ABRAXAS1: variants seen among roughly 807,000 people sequenced by gnomAD.
ABRAXAS1 encodes abraxas 1, BRCA1 A complex subunit.
Under a neutral mutation model 38.4 loss-of-function variants are expected in ABRAXAS1, and 26 were observed. That is an observed-to-expected ratio of 0.68 (90% confidence interval 0.50 to 0.94). The LOEUF is 0.94. ABRAXAS1 is among the 40% of genes least tolerant of loss of function. ABRAXAS1 has a pLI of 0.00. For missense variants in ABRAXAS1, 438 were observed against 481.9 expected, an observed-to-expected ratio of 0.91 and a Z score of 0.85; for synonymous variants, 144 against 165.5, an observed-to-expected ratio of 0.87 and a Z score of 1.00.
At chr4:83,482,485 G>T (rs1005045164) in intron 1 of ABRAXAS1, among the ~76,000 whole-genome samples, 3 of 152,208 alleles carry the variant, frequency 2.0e-5, no homozygotes, top group African/African-American at 7.2e-5. Flanking sequence ...AAGGTGGGCA[G>T]ATAGTTTGAA....
At chr4:83,475,481 C>T (rs2110043843) in intron 3 of ABRAXAS1, among the ~76,000 whole-genome samples, 1 of 152,254 alleles carries the variant, frequency 6.6e-6, no homozygotes, top group East Asian at 1.9e-4. Flanking sequence ...GGGTCTTGCT[C>T]TGTCACCCAG....
rs201627097 is a variant in ABRAXAS1 at position 83,462,617 on chromosome 4, C to G, written c.1082G>C (p.Arg361Pro). The change falls in exon 9 of 9, where the codon CGG (arginine) becomes CCG (proline). Residue 361 changes from arginine (R) to proline (P), a missense_variant. By Grantham distance (103) the Arg-to-Pro change is moderately radical. Coordinates refer to ENST00000321945, the MANE Select transcript of ABRAXAS1 (RefSeq NM_139076.3). ...TCGTTTGTCTTGTGTATCTAACAACCGAGATCTCTTGAATTGCCATCTGTC... is the reference window on the plus strand; with the variant it reads ...TCGTTTGTCTTGTGTATCTAACAACGGAGATCTCTTGAATTGCCATCTGTC... ...LDDRWQFKRSRLLDTQDKRSK... is the reference protein window; with the variant it reads ...LDDRWQFKRSPLLDTQDKRSK... The G allele has an allele frequency of 6.2e-7, 1 of 1,614,076 alleles. No individual in the cohort carries two copies. Among genetic ancestry groups the G allele is most frequent in the East Asian group, 2.2e-5 (1 of 44,860 alleles).
intron 7 of ABRAXAS1, chr4:83,466,831 C>G (rs946199782): frequency 3.3e-5 from 5 of 152,736 alleles, no homozygotes; most frequent in African/African-American, 4.8e-5. Context: ...GCCACTGCGC[C>G]TGGCTCCACT....
At position 83,461,606 on chromosome 4, in the gene ABRAXAS1, T is replaced by C; in HGVS notation, c.*863A>G. The C allele has an allele frequency of 3.4e-6, 1 of 297,942 alleles. No individual in the cohort carries two copies. Among genetic ancestry groups the C allele is most frequent in the East Asian group, 4.8e-5 (1 of 20,662 alleles). The allele number at this position is 297,942 out of a possible 1,614,324, so 18.5% of individuals were successfully genotyped here. A position where few individuals can be genotyped will look rare whatever the true frequency, so the allele number is the denominator to read the frequency against. ...GAAGGACAAAATATTCCTAGACGAG[T>C]CTACCCTCAAACCAGTAGTGTCTTT... On this transcript the variant is annotated 3_prime_UTR_variant, in exon 9 of 9. Transcript: ENST00000321945.
Position 83,462,555 on chromosome 4 carries a change from C to CT in ABRAXAS1, c.1143dup (p.Ala382SerfsTer11), listed in dbSNP as rs1327418487. On this transcript the variant is annotated frameshift_variant, in exon 9 of 9. Transcript: ENST00000321945. LOFTEE classifies it low-confidence loss of function (END_TRUNC). ...GTTTCTGGGCTGCTCATTTTGGATG[C>CT]TTTATCTTGGTTACTACTACCAGTA... The CT allele has an allele frequency of 1.5e-5, 24 of 1,614,082 alleles. No homozygotes were observed. Among genetic ancestry groups the CT allele is most frequent in the Non-Finnish European group, 1.6e-5 (19 of 1,179,988 alleles).
intron 7 of ABRAXAS1, among the ~76,000 whole-genome samples, chr4:83,464,368 G>A (rs1200486813): frequency 6.6e-6 from 1 of 152,250 alleles, no homozygotes; most frequent in Non-Finnish European, 1.5e-5. Context: ...GATCACTTCT[G>A]TGTGTCTTTA....
rs113812279 is a variant in ABRAXAS1, at chr4:83,477,733, T to C, written c.179-1054A>G. 3.9e-4 allele frequency: 252 copies of C among 647,476 alleles called. 3 individuals carry two copies. The African/African-American group carries it at 3.9e-3, about 10-fold the overall frequency. The allele number at this position is 647,476 out of a possible 1,614,324, so 40.1% of individuals were successfully genotyped here. On this transcript the variant is annotated intron_variant, in intron 2 of 8. Coordinates refer to ENST00000321945, the MANE Select transcript of ABRAXAS1 (RefSeq NM_139076.3). ...TGTTTCATGCTTTGTTTTGGATCTA[T>C]AAAGCGGAAGGTGTATTGGCTCTGT...
rs1578120174 is a variant in ABRAXAS1 at position 83,460,690 on chromosome 4, G to A, written c.*1779C>T. 1 of 332,916 alleles carries A rather than the reference G, an allele frequency of 3.0e-6. No individual in the cohort carries two copies. Among genetic ancestry groups the A allele is most frequent in the Non-Finnish European group, 5.6e-6 (1 of 177,894 alleles). 20.6% of individuals were successfully genotyped at this position (332,916 alleles called of 1,614,324 possible). On this transcript the variant is annotated 3_prime_UTR_variant, in exon 9 of 9. Coordinates refer to ENST00000321945, the MANE Select transcript of ABRAXAS1 (RefSeq NM_139076.3). Reference sequence around the variant, plus strand: ...AGGCTGAGGTGGGCAGATCACCTGAGGCCAGGAGTTCAGGACCAGCCTGGC... The same window carrying A: ...AGGCTGAGGTGGGCAGATCACCTGAAGCCAGGAGTTCAGGACCAGCCTGGC...
chr4:83,465,433 G>A (rs563289889), intron 7 of ABRAXAS1, among the ~76,000 whole-genome samples: 11 of 151,850 alleles, frequency 7.2e-5, no homozygotes, highest in African/African-American at 2.7e-4. Flanking sequence ...CTATATCAAA[G>A]TATACATATA....
intron 2 of ABRAXAS1, chr4:83,478,199 C>A: frequency 1.4e-6 from 1 of 699,958 alleles, no homozygotes; most frequent in South Asian, 1.4e-5. Flanking sequence ...GGCTGGGGCT[C>A]TTGCCTCTAA....
Position 83,461,423 on chromosome 4 carries a change from A to C in ABRAXAS1, c.*1046T>G. On this transcript the variant is annotated 3_prime_UTR_variant, in exon 9 of 9. Coordinates refer to ENST00000321945, the MANE Select transcript of ABRAXAS1 (RefSeq NM_139076.3). ...AAGTGGTTCTGTGTGATTGTCATTTATATCTGATCCCCAAATAGCTCATAC... is the reference window on the plus strand; with the variant it reads ...AAGTGGTTCTGTGTGATTGTCATTTCTATCTGATCCCCAAATAGCTCATAC... 1 of 490,144 alleles carries C rather than the reference A, an allele frequency of 2.0e-6. No homozygotes were observed. Among genetic ancestry groups the C allele is most frequent in the Non-Finnish European group, 3.7e-6 (1 of 268,934 alleles). 30.4% of individuals were successfully genotyped at this position (490,144 alleles called of 1,614,324 possible). A position where few individuals can be genotyped will look rare whatever the true frequency, so the allele number is the denominator to read the frequency against.
At chr4:83,463,863 C>T (rs72931494) in intron 7 of ABRAXAS1, 12 of 245,116 alleles carry the variant, frequency 4.9e-5, no homozygotes, top group South Asian at 3.2e-4. Flanking sequence ...CCAGTTAGTT[C>T]GCTGAAAATA....
intron 1 of ABRAXAS1, among the ~76,000 whole-genome samples, chr4:83,484,511 A>G (rs1723107944): frequency 2.0e-5 from 3 of 152,366 alleles, no homozygotes; most frequent in East Asian, 1.9e-4. Context: ...ACTGGACGCA[A>G]CATCTATTTT....
intron 2 of ABRAXAS1, chr4:83,479,454 G>T (rs1306371836): frequency 2.0e-5 from 3 of 149,342 alleles, no homozygotes; most frequent in Non-Finnish European, 4.4e-5. Flanking sequence ...TTTATATACT[G>T]TGGAGAAGCC....
At position 83,470,985 on chromosome 4, in the gene ABRAXAS1, TAAGAC is replaced by T. The variant is rs148839215; in HGVS notation, c.283-594_283-590del. Among the ~76,000 whole-genome samples, 449 of 152,278 alleles carry T rather than the reference TAAGAC, an allele frequency of 2.9e-3. 2 individuals carry two copies. Among genetic ancestry groups the T allele is most frequent in the African/African-American group, 0.01 (421 of 41,558 alleles). On this transcript the variant is annotated intron_variant, in intron 4 of 8. Coordinates refer to ENST00000321945, the MANE Select transcript of ABRAXAS1 (RefSeq NM_139076.3). ...ACTTGGAAAATAATTCTCCTTTACT[TAAGAC>T]AAAGAGAAAACCAATCACTTTGCTT...
chr4:83,480,346 TG>T, intron 2 of ABRAXAS1: 1 of 417,206 alleles, frequency 2.4e-6, no homozygotes, highest in Non-Finnish European at 4.7e-6. Context: ...CACTCCAGTC[TG>T]GGCGACAGAA....
intron 4 of ABRAXAS1, among the ~76,000 whole-genome samples, chr4:83,470,781 G>C (rs1350028022): frequency 6.6e-6 from 1 of 152,130 alleles, no homozygotes; most frequent in Non-Finnish European, 1.5e-5. Context: ...TTAATCGCCT[G>C]TATGGACACT....
At chr4:83,483,654 C>CG (rs888298685) in intron 1 of ABRAXAS1, among the ~76,000 whole-genome samples, 5 of 151,880 alleles carry the variant, frequency 3.3e-5, no homozygotes, top group African/African-American at 7.3e-5. Flanking sequence ...TGGAATCACG[C>CG]GGGGGGATAT....
At chr4:83,475,544 A>G (rs1722734266) in intron 3 of ABRAXAS1, among the ~76,000 whole-genome samples, 2 of 152,104 alleles carry the variant, frequency 1.3e-5, no homozygotes, top group Admixed American at 6.5e-5. Flanking sequence ...CCTGAGCTCA[A>G]GTGATCCTCC....
Sources: gnomAD v4.1 joint callset for allele counts (sites outside exome capture counted in the v4.1 genomes callset) on GRCh38, gnomAD v4.1.1 for gene constraint, MANE v1.5 for transcripts, NCBI Gene and HGNC (gene_info 2026-07-23, HGNC 2026-07-21) for gene names.